ROBO3: variants seen among roughly 807,000 people sequenced by gnomAD.
ROBO3 encodes roundabout homolog 3.
Under a neutral mutation model 160.5 loss-of-function variants are expected in ROBO3, and 97 were observed. The observed-to-expected ratio is 0.60, with a 90% CI of 0.51 to 0.72. ROBO3 has a LOEUF of 0.72. Ranked by LOEUF, ROBO3 falls within the 30% of genes least tolerant of loss-of-function variation. ROBO3 has a pLI of 0.00. For missense variants in ROBO3, 1,858 were observed against 1,846.5 expected (o/e 1.01, Z -0.11); for synonymous variants, 780 against 746.2 (o/e 1.05, Z -0.74).
Position 124,872,239 on chromosome 11 carries a change from C to T in ROBO3, c.1159-142C>T. Reference sequence around the variant, plus strand: ...TTTGTGAATACATTTAACTACTTTGCCCAAGTTCACATCACTGCTGGAGAC... The same window carrying T: ...TTTGTGAATACATTTAACTACTTTGTCCAAGTTCACATCACTGCTGGAGAC... On this transcript the variant is annotated intron_variant, in intron 7 of 27. Transcript: ENST00000397801. This position sits in a 1 kb window ranked among gnomAD's most constrained non-coding sequence, Gnocchi z 4.3. 2.6e-6 allele frequency: 2 copies of T among 764,396 alleles called. No homozygotes were observed. The highest frequency in any genetic ancestry group is 4.5e-6 in the Non-Finnish European group (2 of 445,612). The allele number at this position is 764,396 out of a possible 1,614,324, so 47.4% of individuals were successfully genotyped here. A position where few individuals can be genotyped will look rare whatever the true frequency, so the allele number is the denominator to read the frequency against.
rs1405413499 is a variant in ROBO3 at position 124,878,666 on chromosome 11, A to G, written c.3403A>G (p.Thr1135Ala). ...CAGCTCCAGTGGAGGGTGCCTGGTC[A>G]CCCCATCCCGAAGGGAAACCCCCTC... ...EPSSSGGCLVTPSRRETPSPT... is the reference protein window; with the variant it reads ...EPSSSGGCLVAPSRRETPSPT... Residue 1135 changes from threonine (T) to alanine (A), a missense_variant, in exon 23 of 28, where the codon ACC becomes GCC. Transcript: ENST00000397801. The surrounding 1 kb of genome is among the most constrained non-coding windows in gnomAD (Gnocchi z 4.3). The G allele has an allele frequency of 3.1e-6, 5 of 1,613,256 alleles. No individual in the cohort carries two copies. Among genetic ancestry groups the G allele is most frequent in the Non-Finnish European group, 4.2e-6 (5 of 1,179,690 alleles).
rs200052922 is a variant in ROBO3 at position 124,875,592 on chromosome 11, G to C, written c.2328G>C (p.Ala776=). The C allele has an allele frequency of 1.7e-5, 27 of 1,611,632 alleles. No homozygotes were observed. The African/African-American group carries it at 1.9e-4, about 11-fold the overall frequency. ...EAPSGPPQGV[A]VALGGDGNSS... is the part of the protein sequence containing the mutation. The stretch of plus-strand genomic sequence containing the variant: ...CCAGTGGCCCCCCACAGGGAGTGGC[G>C]GTGGCCTTGGGGGGTGATGGCAACA... Residue 776 remains alanine, a synonymous_variant, in exon 15 of 28, where the codon GCG becomes GCC. Coordinates refer to ENST00000397801, the MANE Select transcript of ROBO3 (RefSeq NM_022370.4).
At position 124,874,839 on chromosome 11, in the gene ROBO3, T is replaced by G. The variant is rs1241842763; in HGVS notation, c.2003T>G (p.Leu668Arg). 1.9e-6 allele frequency: 3 copies of G among 1,601,744 alleles called. No homozygotes were observed. Among genetic ancestry groups the G allele is most frequent in the Middle Eastern group, 3.3e-4 (2 of 6,054 alleles). Residue 668 changes from leucine (L) to arginine (R), a missense_variant, in exon 13 of 28, where the codon CTG becomes CGG. Physicochemically the swap from Leu to Arg is moderately radical, Grantham distance 102. Coordinates refer to ENST00000397801, the MANE Select transcript of ROBO3 (RefSeq NM_022370.4). ...VEDPWRGQQGLAEVAVRLQEP... is the reference protein window; with the variant it reads ...VEDPWRGQQGRAEVAVRLQEP... ...GACCCATGGAGAGGCCAGCAGGGAC[T>G]GGCGGAAGTGGCTGTGCGCCTGCAG... is the stretch of plus-strand genomic sequence containing the variant.
In ROBO3 at chr11:124,877,247, C is replaced by T. The variant is rs1946406737; in HGVS notation, c.2804-20C>T. 2 of 1,613,834 alleles carry T rather than the reference C, an allele frequency of 1.2e-6. No homozygotes were observed. The highest frequency in any genetic ancestry group is 1.3e-5 in the African/African-American group (1 of 74,902). On this transcript the variant is annotated intron_variant, in intron 18 of 27. Transcript: ENST00000397801. ...GGGACGGGCCCTTCTCTCACTCATT[C>T]GCCCCCTCATTTTCCCCAGTGTCCT... is the stretch of plus-strand genomic sequence containing the variant.
At position 124,873,498 on chromosome 11, in the gene ROBO3, T is replaced by A; in HGVS notation, c.1618+107T>A. ...TCCGGGATTAACTTTATGTCACAAA[T>A]GCCATGGTTACGGTGGTGAGGATGA... is the stretch of plus-strand genomic sequence containing the variant. On this transcript the variant is annotated intron_variant, in intron 10 of 27. Transcript: ENST00000397801. This position sits in a 1 kb window ranked among gnomAD's most constrained non-coding sequence, Gnocchi z 4.5. 1.8e-6 allele frequency: 2 copies of A among 1,134,466 alleles called. No homozygotes were observed. Among genetic ancestry groups the A allele is most frequent in the South Asian group, 2.7e-5 (2 of 73,336 alleles). 70.3% of individuals were successfully genotyped at this position (1,134,466 alleles called of 1,614,324 possible).
Position 124,865,589 on chromosome 11 carries a change from C to A in ROBO3, c.12C>A (p.Tyr4Ter). MLR[Y>*]LLKTLLQMNL... is the part of the protein sequence containing the mutation. ...AGCTGGGTCGAGCCATGCTGCGCTA[C>A]CTGCTGAAAACGCTGCTGCAGATGA... Residue 4 changes from tyrosine (Y) to a stop codon, truncating the protein, a stop_gained, in exon 1 of 28, where the codon TAC becomes TAA. Transcript: ENST00000397801. LOFTEE classifies it high-confidence loss of function. The surrounding 1 kb of genome is among the most constrained non-coding windows in gnomAD (Gnocchi z 5.5). 2 of 1,612,038 alleles carry A rather than the reference C, an allele frequency of 1.2e-6. No individual in the cohort carries two copies. Among genetic ancestry groups the A allele is most frequent in the Non-Finnish European group, 1.7e-6 (2 of 1,179,730 alleles).
At chr11:124,870,454 C>A in intron 5 of ROBO3, 147 bp from the exon 6 acceptor site, 1 of 1,461,796 alleles carries the variant, frequency 6.8e-7, no homozygotes, top group South Asian at 1.3e-5. Flanking sequence ...CAGTCCCCAC[C>A]TCCATTGATG....
At chr11:124,870,886 C>G (rs780485338) in intron 6 of ROBO3, 128 bp from the exon 7 acceptor site, 1 of 1,515,016 alleles carries the variant, frequency 6.6e-7, no homozygotes. Flanking sequence ...CTAAACAGGC[C>G]GGGAGGAAGA....
Position 124,873,773 on chromosome 11 carries a change from T to TGG in ROBO3, c.1696_1697insGG (p.Glu566GlyfsTer10). 6.2e-7 allele frequency: 1 copy of TGG among 1,613,684 alleles called. No homozygotes were observed. The highest frequency in any genetic ancestry group is 8.5e-7 in the Non-Finnish European group (1 of 1,179,644). Reference sequence around the variant, plus strand: ...GGGCTCCCTCTCAGCCAGTGGTCACTGAGATCACCAAGAACAGCATTACCC... The same window carrying TGG: ...GGGCTCCCTCTCAGCCAGTGGTCACTGGGAGATCACCAAGAACAGCATTACCC... On this transcript the variant is annotated frameshift_variant, in exon 11 of 28. Coordinates refer to ENST00000397801, the MANE Select transcript of ROBO3 (RefSeq NM_022370.4). LOFTEE classifies it high-confidence loss of function. The surrounding 1 kb of genome is among the most constrained non-coding windows in gnomAD (Gnocchi z 4.5).
At position 124,867,414 on chromosome 11, in the gene ROBO3, G is replaced by A. The variant is rs142601288; in HGVS notation, c.161-1388G>A. Among the ~76,000 whole-genome samples the A allele has an allele frequency of 9.2e-5, 14 of 152,320 alleles. No homozygotes were observed. In the East Asian group the frequency reaches 1.2e-3, roughly 13 times the overall value. ...GCCCAAGTTCTTACAGCTAGGAAGC[G>A]TCAAAGTCTGAGATTCCAGCCCTGG... On this transcript the variant is annotated intron_variant, in intron 1 of 27. Transcript: ENST00000397801.
intron 23 of ROBO3, 28 bp from the exon 24 acceptor site, chr11:124,879,162 C>T (rs533427969): frequency 1.3e-6 from 2 of 1,546,664 alleles, no homozygotes; most frequent in South Asian, 1.2e-5. Flanking sequence ...GTGGAGGGAA[C>T]AGAGGCTGCG....
At position 124,869,441 on chromosome 11, in the gene ROBO3, C is replaced by CA. The variant is rs1946249795; in HGVS notation, c.488-9_488-8insA. Reference sequence around the variant, plus strand: ...CCCTGCTTATTTCGCCCCCCACCGCCCCGCCCAGTCCTCCGTGATGATTTC... The same window carrying CA: ...CCCTGCTTATTTCGCCCCCCACCGCCACCGCCCAGTCCTCCGTGATGATTTC... On this transcript the variant is annotated splice_polypyrimidine_tract_variant and intron_variant, in intron 2 of 27. Transcript: ENST00000397801. This position sits in a 1 kb window ranked among gnomAD's most constrained non-coding sequence, Gnocchi z 4.2. 1.3e-6 allele frequency: 2 copies of CA among 1,481,918 alleles called. No individual in the cohort carries two copies. The highest frequency in any genetic ancestry group is 1.8e-6 in the Non-Finnish European group (2 of 1,085,146). 91.8% of individuals were successfully genotyped at this position (1,481,918 alleles called of 1,614,324 possible). A position where few individuals can be genotyped will look rare whatever the true frequency, so the allele number is the denominator to read the frequency against.
Position 124,873,117 on chromosome 11 carries a change from G to A in ROBO3, c.1536+28G>A. 1 of 1,596,018 alleles carries A rather than the reference G, an allele frequency of 6.3e-7. No homozygotes were observed. Among genetic ancestry groups the A allele is most frequent in the African/African-American group, 1.3e-5 (1 of 74,696 alleles). Reference sequence around the variant, plus strand: ...GAGTGTCACCCCTGGGGCCCTAGTAGCTGAGAATGGCTATCTGCTCCACGT... The same window carrying A: ...GAGTGTCACCCCTGGGGCCCTAGTAACTGAGAATGGCTATCTGCTCCACGT... On this transcript the variant is annotated intron_variant, in intron 9 of 27. Transcript: ENST00000397801. This position sits in a 1 kb window ranked among gnomAD's most constrained non-coding sequence, Gnocchi z 4.5.
rs1173676668 is a variant in ROBO3 at position 124,874,117 on chromosome 11, T to A, written c.1832T>A (p.Leu611Gln). The change falls in exon 12 of 28, where the codon CTG (leucine) becomes CAG (glutamine). Residue 611 changes from leucine to glutamine, a missense_variant. By Grantham distance (113) the Leu-to-Gln change is moderately radical. Coordinates refer to ENST00000397801, the MANE Select transcript of ROBO3 (RefSeq NM_022370.4). Reference protein sequence around the residue: ...TWRTVADGVQLETHTVSGLQP... With the variant: ...TWRTVADGVQQETHTVSGLQP... ...CGTACTGTGGCAGATGGCGTGCAGC[T>A]GGAGACACACACAGTCAGCGGTCTG... is the stretch of plus-strand genomic sequence containing the variant. 1 of 1,613,872 alleles carries A rather than the reference T, an allele frequency of 6.2e-7. No individual in the cohort carries two copies. The highest frequency in any genetic ancestry group is 8.5e-7 in the Non-Finnish European group (1 of 1,179,902).
chr11:124,880,303 G>A (rs2135349894), intron 26 of ROBO3, 115 bp from the exon 27 acceptor site: 3 of 1,493,698 alleles, frequency 2.0e-6, no homozygotes, highest in Non-Finnish European at 2.7e-6. Context: ...GCTGAGCCCT[G>A]TGCCTGCCCT....
Position 124,872,653 on chromosome 11 carries a change from G to C in ROBO3, c.1330+101G>C. 3 of 1,236,648 alleles carry C rather than the reference G, an allele frequency of 2.4e-6. No homozygotes were observed. Among genetic ancestry groups the C allele is most frequent in the Non-Finnish European group, 3.3e-6 (3 of 897,272 alleles). 76.6% of individuals were successfully genotyped at this position (1,236,648 alleles called of 1,614,324 possible). A position where few individuals can be genotyped will look rare whatever the true frequency, so the allele number is the denominator to read the frequency against. On this transcript the variant is annotated intron_variant, in intron 8 of 27. Coordinates refer to ENST00000397801, the MANE Select transcript of ROBO3 (RefSeq NM_022370.4). This position sits in a 1 kb window ranked among gnomAD's most constrained non-coding sequence, Gnocchi z 4.3. The stretch of plus-strand genomic sequence containing the variant: ...GAGTCTATATACTATGTCTGCAAGA[G>C]GAGAGATGTGTTCCTGAGGCATGAC...
intron 1 of ROBO3, among the ~76,000 whole-genome samples, chr11:124,867,879 G>A (rs1946221919): frequency 1.3e-5 from 2 of 152,124 alleles, no homozygotes; most frequent in Admixed American, 6.5e-5. Context: ...GGCACCTACT[G>A]GCCGCCACGG....
chr11:124,870,793 C>T, intron 6 of ROBO3, 65 bp downstream of exon 6: 1 of 1,583,690 alleles, frequency 6.3e-7, no homozygotes, highest in Non-Finnish European at 8.6e-7. Context: ...GGATGGTTGG[C>T]AAGAGACTGA....
At chr11:124,879,416 C>A in intron 24 of ROBO3, 49 bp from the exon 25 acceptor site, 1 of 1,608,768 alleles carries the variant, frequency 6.2e-7, no homozygotes, top group Non-Finnish European at 8.5e-7. Flanking sequence ...AGGCCTTTTT[C>A]CTGATTTTTG....
Sources: gnomAD v4.1 joint callset for allele counts (sites outside exome capture counted in the v4.1 genomes callset) on GRCh38, gnomAD v4.1.1 for gene constraint, Gnocchi (gnomAD v3.1) non-coding constraint, MANE v1.5 for transcripts, NCBI Gene and HGNC (gene_info 2026-07-23, HGNC 2026-07-21) for gene names.